The following FKTN variants were observed in gnomAD, a reference collection of about 807,000 sequenced individuals.
FKTN encodes fukutin.
FKTN carries 47 observed loss-of-function variants against 58.6 expected under a neutral mutation model. The ratio of observed to expected loss-of-function variants is 0.80; its 90% CI spans 0.63 to 1.02. The LOEUF is 1.02. Among genes scored for constraint, FKTN ranks in the 50% least tolerant of loss-of-function variants. The pLI is 0.00. For missense variants in FKTN, 516 were observed against 537.3 expected (o/e 0.96, Z 0.39); for synonymous variants, 178 against 191.9 (o/e 0.93, Z 0.60).
At chr9:105,603,769 G>T (rs746909425) in intron 5 of FKTN, 11 of 207,876 alleles carry the variant, frequency 5.3e-5, no homozygotes, top group Non-Finnish European at 7.9e-5. Flanking sequence ...GATCTCTCAG[G>T]TTCAAGTGAT....
rs1419099088 is a variant in FKTN, at chr9:105,601,133, T to A, written c.166-12T>A. 2.7e-6 allele frequency: 4 copies of A among 1,493,936 alleles called. No individual in the cohort carries two copies. Among genetic ancestry groups the A allele is most frequent in the Non-Finnish European group, 3.7e-6 (4 of 1,073,908 alleles). 92.5% of individuals were successfully genotyped at this position (1,493,936 alleles called of 1,614,324 possible). A position where few individuals can be genotyped will look rare whatever the true frequency, so the allele number is the denominator to read the frequency against. Reference sequence around the variant, plus strand: ...TTACTGGAATTACGAGAATTCTTTTTCTCTCAAACAGCGTGCAGTTAAAAA... The same window carrying A: ...TTACTGGAATTACGAGAATTCTTTTACTCTCAAACAGCGTGCAGTTAAAAA... On this transcript the variant is annotated splice_polypyrimidine_tract_variant and intron_variant, in intron 4 of 10. Transcript: ENST00000357998.
At chr9:105,621,461 A>G (rs149500380) in intron 10 of FKTN, among the ~76,000 whole-genome samples, 1 of 152,288 alleles carries the variant, frequency 6.6e-6, no homozygotes, top group African/African-American at 2.4e-5. Context: ...TTTTGAATAG[A>G]TTATACATTA....
intron 3 of FKTN, among the ~76,000 whole-genome samples, chr9:105,579,999 T>C (rs1842560175): frequency 6.6e-6 from 1 of 151,914 alleles, no homozygotes; most frequent in South Asian, 2.1e-4. Context: ...CCCTGCCTTT[T>C]TTTGTTTTCC....
At chr9:105,623,199 G>A (rs1832246909) in intron 10 of FKTN, 1 of 152,070 alleles carries the variant, frequency 6.6e-6, no homozygotes, top group African/African-American at 2.4e-5. Context: ...AACTGGTATG[G>A]GTAGAAGCCA....
chr9:105,636,356 C>G lies in FKTN; in HGVS notation c.*1092C>G. On this transcript the variant is annotated 3_prime_UTR_variant, in exon 11 of 11. Coordinates refer to ENST00000357998, the MANE Select transcript of FKTN (RefSeq NM_001079802.2). ...TGTTTCTTCTCCTCTTCTAATATAT[C>G]AGATCTCCAAAATGGAAGCTAAATG... is the stretch of plus-strand genomic sequence containing the variant. 1 of 983,232 alleles carries G rather than the reference C, an allele frequency of 1.0e-6. No individual in the cohort carries two copies. The highest frequency in any genetic ancestry group is 4.7e-5 in the South Asian group (1 of 21,266). 60.9% of individuals were successfully genotyped at this position (983,232 alleles called of 1,614,324 possible). A position where few individuals can be genotyped will look rare whatever the true frequency, so the allele number is the denominator to read the frequency against.
rs148679046 is a variant in FKTN at position 105,593,130 on chromosome 9, A to C, written c.106-3468A>C. Reference sequence around the variant, plus strand: ...CTAGAGGCTGTACAGGAAGCATGATACTGGCATCTGCTTGGCTTCTGTGGA... The same window carrying C: ...CTAGAGGCTGTACAGGAAGCATGATCCTGGCATCTGCTTGGCTTCTGTGGA... On this transcript the variant is annotated intron_variant, in intron 3 of 10. Coordinates refer to ENST00000357998, the MANE Select transcript of FKTN (RefSeq NM_001079802.2). 1.1e-4 allele frequency among the ~76,000 whole-genome samples: 16 copies of C among 152,326 alleles called. No individual in the cohort carries two copies. In the East Asian group the frequency reaches 3.1e-3, roughly 29 times the overall value.
chr9:105,573,364 C>T (rs886797045), intron 1 of FKTN, among the ~76,000 whole-genome samples: 41 of 152,238 alleles, frequency 2.7e-4, no homozygotes, highest in African/African-American at 9.6e-4. Context: ...TAGCTCACAC[C>T]TGTAATTCCA....
At chr9:105,578,590 T>C (rs1279601027) in intron 3 of FKTN, among the ~76,000 whole-genome samples, 1 of 151,534 alleles carries the variant, frequency 6.6e-6, no homozygotes, top group African/African-American at 2.4e-5. Flanking sequence ...TATTGAGGAT[T>C]TTTGCATCAA....
intron 8 of FKTN, among the ~76,000 whole-genome samples, chr9:105,615,863 A>T (rs1830709788): frequency 6.6e-6 from 1 of 152,218 alleles, no homozygotes; most frequent in African/African-American, 2.4e-5. Flanking sequence ...TTTTAACAAT[A>T]CTATAATAAA....
chr9:105,602,536 T>C (rs1038826368), intron 5 of FKTN, among the ~76,000 whole-genome samples: 3 of 152,130 alleles, frequency 2.0e-5, no homozygotes, highest in African/African-American at 7.2e-5. Flanking sequence ...TGTTTTTGTT[T>C]GTTTGTGTTG....
At chr9:105,580,542 A>G (rs10978164) in intron 3 of FKTN, among the ~76,000 whole-genome samples, 10,941 of 108,034 alleles carry the variant, frequency 0.1, 778 homozygotes, top group Admixed American at 0.2. Context: ...ATCCGCTGTT[A>G]GTCTGATGGG....
intron 1 of FKTN, among the ~76,000 whole-genome samples, chr9:105,564,638 T>C (rs776298499): frequency 2.0e-5 from 3 of 152,172 alleles, no homozygotes; most frequent in Admixed American, 6.5e-5. Context: ...CCAAGAAATA[T>C]GGGACTATGT....
At position 105,600,853 on chromosome 9, in the gene FKTN, G is replaced by A. The variant is rs146486330; in HGVS notation, c.166-292G>A. 3.1e-5 allele frequency: 7 copies of A among 226,554 alleles called. No homozygotes were observed. In the East Asian group the frequency reaches 6.0e-4, roughly 20 times the overall value. 14.0% of individuals were successfully genotyped at this position (226,554 alleles called of 1,614,324 possible). Reference sequence around the variant, plus strand: ...CTGTGAAATTTCTTATCCTTTTGATGTATGGTAAATTTGTAGCTTACTGGT... The same window carrying A: ...CTGTGAAATTTCTTATCCTTTTGATATATGGTAAATTTGTAGCTTACTGGT... On this transcript the variant is annotated intron_variant, in intron 4 of 10. Coordinates refer to ENST00000357998, the MANE Select transcript of FKTN (RefSeq NM_001079802.2).
chr9:105,598,380 T>C (rs771964811), intron 4 of FKTN: 2 of 179,790 alleles, frequency 1.1e-5, no homozygotes, highest in South Asian at 1.0e-4. Flanking sequence ...TCAATGTTTA[T>C]GGAGTTATTA....
chr9:105,571,680 T>G (rs934378739), intron 1 of FKTN, among the ~76,000 whole-genome samples: 1 of 152,184 alleles, frequency 6.6e-6, no homozygotes, highest in Non-Finnish European at 1.5e-5. Flanking sequence ...CACTTTAGAT[T>G]TCACTAGGAA....
At chr9:105,612,092 T>C (rs934554300) in intron 7 of FKTN, among the ~76,000 whole-genome samples, 24 of 152,174 alleles carry the variant, frequency 1.6e-4, no homozygotes, top group African/African-American at 5.1e-4. Flanking sequence ...TGGTATTAGA[T>C]AGTATCGTAT....
At chr9:105,576,371 T>C (rs1203301877) in intron 3 of FKTN, among the ~76,000 whole-genome samples, 1 of 151,920 alleles carries the variant, frequency 6.6e-6, no homozygotes, top group African/African-American at 2.4e-5. Flanking sequence ...CCTGTGTCCA[T>C]GTGATCTCAT....
At chr9:105,566,476 C>T (rs1236306381) in intron 1 of FKTN, among the ~76,000 whole-genome samples, 6 of 151,936 alleles carry the variant, frequency 3.9e-5, no homozygotes, top group African/African-American at 1.5e-4. Context: ...ATATCACCAC[C>T]GATCCCACCG....
chr9:105,563,644 G>C (rs548332966), intron 1 of FKTN, among the ~76,000 whole-genome samples: 1 of 152,038 alleles, frequency 6.6e-6, no homozygotes, highest in African/African-American at 2.4e-5. Context: ...TAGATAAACA[G>C]AGGGGCCGGG....
Sources: allele counts gnomAD v4.1 joint callset (sites outside exome capture counted in the v4.1 genomes callset), GRCh38; gene constraint gnomAD v4.1.1; transcripts MANE v1.5; gene names NCBI Gene and HGNC (gene_info 2026-07-23, HGNC 2026-07-21).